The following GRIK2 variants were observed in gnomAD, a reference collection of about 807,000 sequenced individuals.
GRIK2 encodes the protein glutamate ionotropic receptor kainate type subunit 2, also known as glutamate receptor ionotropic, kainate 2.
GRIK2 carries 32 observed loss-of-function variants against 100.3 expected under a neutral mutation model. The observed-to-expected ratio is 0.32, with a 90% CI of 0.24 to 0.43. The LOEUF (loss-of-function observed/expected upper bound fraction) is 0.43. Ranked by LOEUF, GRIK2 falls within the 20% of genes least tolerant of loss-of-function variation. The pLI is 1.00. For missense variants in GRIK2, 843 were observed against 1,114.9 expected (o/e 0.76, Z 3.47); for synonymous variants, 417 against 389.4 (o/e 1.07, Z -0.83).
At chr6:101,427,717 A>G (rs1043269584) in intron 2 of GRIK2, among the ~76,000 whole-genome samples, 1 of 152,184 alleles carries the variant, frequency 6.6e-6, no homozygotes, top group Non-Finnish European at 1.5e-5. Context: ...TTTTGGGTAG[A>G]ATTAAATGAT....
At chr6:102,035,312 C>T (rs376343219) in intron 14 of GRIK2, 29 bp from the exon 15 acceptor site, 57 of 1,331,744 alleles carry the variant, frequency 4.3e-5, no homozygotes, top group African/African-American at 3.6e-4. Context: ...ATAACTTTCT[C>T]GTGACCAACT....
intron 2 of GRIK2, among the ~76,000 whole-genome samples, chr6:101,425,352 G>A (rs1776647821): frequency 6.6e-6 from 1 of 152,098 alleles, no homozygotes; most frequent in African/African-American, 2.4e-5. Context: ...TCATACTACT[G>A]TTGACTAGCA....
At chr6:101,979,796 C>T (rs1044055876) in intron 14 of GRIK2, among the ~76,000 whole-genome samples, 18 of 151,962 alleles carry the variant, frequency 1.2e-4, no homozygotes, top group Non-Finnish European at 1.0e-4. Flanking sequence ...TTTACCTTCT[C>T]TTTATTCACT....
intron 14 of GRIK2, among the ~76,000 whole-genome samples, chr6:102,033,794 T>G (rs551356038): frequency 1.3e-5 from 2 of 151,590 alleles, no homozygotes; most frequent in African/African-American, 4.8e-5. Flanking sequence ...AGTTTATGTT[T>G]TGTAAAATTC....
intron 2 of GRIK2, among the ~76,000 whole-genome samples, chr6:101,592,481 G>A (rs1320135709): frequency 6.6e-6 from 1 of 150,696 alleles, no homozygotes; most frequent in African/African-American, 2.4e-5. Flanking sequence ...CTTCAGCTGA[G>A]GCAATTCCTG....
chr6:101,660,032 G>C (rs1007693139), intron 4 of GRIK2, among the ~76,000 whole-genome samples: 2 of 152,056 alleles, frequency 1.3e-5, no homozygotes, highest in African/African-American at 4.8e-5. Context: ...TGCTAGGTTG[G>C]GGAAGTTCTC....
At chr6:101,708,360 C>CT (rs1773479934) in intron 7 of GRIK2, among the ~76,000 whole-genome samples, 1 of 147,814 alleles carries the variant, frequency 6.8e-6, no homozygotes, top group African/African-American at 2.5e-5. Flanking sequence ...ATCTTAGTTG[C>CT]TTTTTGTGAT....
intron 10 of GRIK2, among the ~76,000 whole-genome samples, chr6:101,836,715 G>T (rs373974092): frequency 7.6e-6 from 1 of 131,958 alleles, no homozygotes; most frequent in African/African-American, 2.8e-5. Flanking sequence ...ACCCAGGCTG[G>T]AGTGCAGTGG....
intron 14 of GRIK2, among the ~76,000 whole-genome samples, chr6:101,935,220 A>G (rs560577905): frequency 2.5e-4 from 38 of 152,056 alleles, no homozygotes; most frequent in African/African-American, 8.9e-4. Flanking sequence ...TTCAGTAAGT[A>G]TAGGGAGGAT....
chr6:101,570,911 A>G (rs1405586283), intron 2 of GRIK2, among the ~76,000 whole-genome samples: 2 of 152,186 alleles, frequency 1.3e-5, no homozygotes, highest in African/African-American at 4.8e-5. Flanking sequence ...GAAAAGGTAA[A>G]TTAAATGCCA....
intron 2 of GRIK2, among the ~76,000 whole-genome samples, chr6:101,617,823 CTT>C (rs1779966939): frequency 6.6e-6 from 1 of 151,526 alleles, no homozygotes; most frequent in African/African-American, 2.4e-5. Context: ...AAAGAGAAGT[CTT>C]TTCTGTCTCT....
chr6:101,994,980 G>T (rs951273175), intron 14 of GRIK2, among the ~76,000 whole-genome samples: 2 of 151,854 alleles, frequency 1.3e-5, no homozygotes, highest in Non-Finnish European at 2.9e-5. Flanking sequence ...TGATTCACAA[G>T]TTGGAAAACT....
chr6:102,026,170 T>G (rs1769697337), intron 14 of GRIK2, among the ~76,000 whole-genome samples: 1 of 141,204 alleles, frequency 7.1e-6, no homozygotes, highest in South Asian at 2.2e-4. Flanking sequence ...ACAGTAGGTA[T>G]ATGCTACAGT....
At chr6:101,397,513 T>C (rs1775058794) in intron 1 of GRIK2, among the ~76,000 whole-genome samples, 1 of 152,208 alleles carries the variant, frequency 6.6e-6, no homozygotes, top group African/African-American at 2.4e-5. Flanking sequence ...TGATACTTAT[T>C]TTTGACACTG....
At chr6:101,691,566 G>A (rs1772100539) in intron 7 of GRIK2, among the ~76,000 whole-genome samples, 2 of 151,994 alleles carry the variant, frequency 1.3e-5, no homozygotes, top group African/African-American at 4.8e-5. Context: ...CCAAAGTGCT[G>A]GGATTATTTA....
chr6:101,504,434 T>C lies in GRIK2; in HGVS notation c.115+105042T>C, dbSNP rs9498603. On this transcript the variant is annotated intron_variant, in intron 2 of 16. Coordinates refer to ENST00000369134, the MANE Select transcript of GRIK2 (RefSeq NM_021956.5). Reference sequence around the variant, plus strand: ...TAGATTTTAACACCATAGGATTTTTTGGTAATTTTTTTCAGATTGTATTTT... The same window carrying C: ...TAGATTTTAACACCATAGGATTTTTCGGTAATTTTTTTCAGATTGTATTTT... Among the ~76,000 whole-genome samples, 437 of 152,186 alleles carry C rather than the reference T, an allele frequency of 2.9e-3. 3 individuals are homozygous for C. Among genetic ancestry groups the C allele is most frequent in the African/African-American group, 0.01 (426 of 41,566 alleles).
intron 7 of GRIK2, among the ~76,000 whole-genome samples, chr6:101,728,869 C>A (rs1050008935): frequency 1.4e-4 from 22 of 152,048 alleles, no homozygotes; most frequent in African/African-American, 4.8e-4. Context: ...GAGTCACTTA[C>A]CATTTCATTC....
chr6:101,768,425 A>G (rs1422165081), intron 7 of GRIK2, among the ~76,000 whole-genome samples: 1 of 152,164 alleles, frequency 6.6e-6, no homozygotes, highest in Non-Finnish European at 1.5e-5. Context: ...GCACCTAATC[A>G]TAGCTGCTAG....
chr6:101,585,265 T>A (rs1778302876), intron 2 of GRIK2, among the ~76,000 whole-genome samples: 1 of 152,066 alleles, frequency 6.6e-6, no homozygotes, highest in African/African-American at 2.4e-5. Flanking sequence ...AACAGTTTTT[T>A]AAAATAGATA....
Sources: allele counts gnomAD v4.1 joint callset (sites outside exome capture counted in the v4.1 genomes callset), GRCh38; gene constraint gnomAD v4.1.1; transcripts MANE v1.5; gene names NCBI Gene and HGNC (gene_info 2026-07-23, HGNC 2026-07-21).